Variants in SAMD12 observed in about 807,000 individuals in gnomAD.
The protein encoded by SAMD12 is sterile alpha motif domain containing 12.
SAMD12 carries 9 observed loss-of-function variants against 15.0 expected under a neutral mutation model. That is an observed-to-expected ratio of 0.60 (90% CI 0.36 to 1.05). The LOEUF (loss-of-function observed/expected upper bound fraction) is 1.05. Among genes scored for constraint, SAMD12 ranks in the 50% least tolerant of loss-of-function variants. SAMD12 has a pLI of 0.01. For missense variants in SAMD12, 230 were observed against 234.2 expected (o/e 0.98, Z 0.12); for synonymous variants, 86 against 90.1 (o/e 0.96, Z 0.25).
intron 2 of SAMD12, among the ~76,000 whole-genome samples, chr8:118,575,056 C>T (rs1441025711): frequency 2.0e-5 from 3 of 152,164 alleles, no homozygotes; most frequent in African/African-American, 7.2e-5. Context: ...ATGGTTCCTG[C>T]TTACTGTCAC....
chr8:118,536,066 G>A (rs1242843886), intron 2 of SAMD12, among the ~76,000 whole-genome samples: 1 of 152,192 alleles, frequency 6.6e-6, no homozygotes, highest in Non-Finnish European at 1.5e-5. Context: ...GACTGGAGCT[G>A]TTCCTATTCG....
intron 2 of SAMD12, among the ~76,000 whole-genome samples, chr8:118,530,414 T>C (rs1026688357): frequency 6.6e-6 from 1 of 152,242 alleles, no homozygotes; most frequent in Non-Finnish European, 1.5e-5. Context: ...TGTTTCCTTC[T>C]TTGTGTCCAT....
intron 4 of SAMD12, among the ~76,000 whole-genome samples, chr8:118,261,633 A>ATT (rs11432849): frequency 8.5e-4 from 122 of 143,736 alleles, no homozygotes; most frequent in African/African-American, 2.8e-3. Context: ...AAAACACATG[A>ATT]TTTTTTTTTT....
At chr8:118,350,937 C>T (rs1420660950) in intron 4 of SAMD12, among the ~76,000 whole-genome samples, 1 of 152,208 alleles carries the variant, frequency 6.6e-6, no homozygotes, top group Non-Finnish European at 1.5e-5. Context: ...TTCTCAGTGT[C>T]ATTCCTAGTT....
intron 2 of SAMD12, among the ~76,000 whole-genome samples, chr8:118,443,215 G>C (rs772070763): frequency 2.0e-5 from 3 of 152,180 alleles, no homozygotes; most frequent in Non-Finnish European, 4.4e-5. Flanking sequence ...TGTAATCTCA[G>C]CACTTTGGGA....
intron 4 of SAMD12, among the ~76,000 whole-genome samples, chr8:118,202,359 C>T (rs971166502): frequency 3.3e-5 from 5 of 152,138 alleles, no homozygotes; most frequent in South Asian, 4.1e-4. Flanking sequence ...TTGCAACTCC[C>T]AGGAGGCAGA....
chr8:118,594,719 T>G (rs1280757471), intron 1 of SAMD12, among the ~76,000 whole-genome samples: 4 of 152,168 alleles, frequency 2.6e-5, no homozygotes, highest in Non-Finnish European at 5.9e-5. Flanking sequence ...TCTGAATTTT[T>G]TTTTCACTAA....
chr8:118,600,901 A>G (rs1362701965), intron 1 of SAMD12, among the ~76,000 whole-genome samples: 1 of 152,228 alleles, frequency 6.6e-6, no homozygotes, highest in Non-Finnish European at 1.5e-5. Context: ...AAAAGAGGAT[A>G]GAGAATTTAT....
chr8:118,230,871 G>A (rs533424200), intron 4 of SAMD12, among the ~76,000 whole-genome samples: 2 of 152,104 alleles, frequency 1.3e-5, no homozygotes, highest in Non-Finnish European at 2.9e-5. Flanking sequence ...GTGGGCTTGT[G>A]GGTGACGACA....
At chr8:118,355,426 T>G (rs1818183524) in intron 4 of SAMD12, among the ~76,000 whole-genome samples, 1 of 152,134 alleles carries the variant, frequency 6.6e-6, no homozygotes, top group Non-Finnish European at 1.5e-5. Context: ...TGTACACTGC[T>G]CGGGTGATGG....
intron 2 of SAMD12, among the ~76,000 whole-genome samples, chr8:118,503,478 G>A (rs1200506598): frequency 1.3e-5 from 2 of 152,108 alleles, no homozygotes; most frequent in East Asian, 1.9e-4. Context: ...GCACTTCTAA[G>A]GTTCATCCCG....
chr8:118,174,383 C>T, the SAMD12 span, among the ~76,000 whole-genome samples: 1 of 152,116 alleles, frequency 6.6e-6, no homozygotes, highest in Non-Finnish European at 1.5e-5. Context: ...TGTTGGGAGA[C>T]AAGAGGTGTT....
intron 2 of SAMD12, among the ~76,000 whole-genome samples, chr8:118,521,564 G>A (rs1448556361): frequency 1.3e-5 from 2 of 152,168 alleles, no homozygotes; most frequent in African/African-American, 4.8e-5. Context: ...TGTCATTGTT[G>A]ATAGTGTTAT....
At chr8:118,231,453 G>T (rs1235563541) in intron 4 of SAMD12, among the ~76,000 whole-genome samples, 1 of 152,022 alleles carries the variant, frequency 6.6e-6, no homozygotes, top group Admixed American at 6.6e-5. Context: ...CTATATCCTG[G>T]GTATTGTGCC....
At chr8:118,323,188 T>C (rs1816375221) in intron 4 of SAMD12, among the ~76,000 whole-genome samples, 1 of 152,198 alleles carries the variant, frequency 6.6e-6, no homozygotes, top group African/African-American at 2.4e-5. Flanking sequence ...ATTAGGACTG[T>C]TAAATGAGAA....
intron 3 of SAMD12, among the ~76,000 whole-genome samples, chr8:118,423,054 C>T (rs1347988508): frequency 6.6e-6 from 1 of 152,126 alleles, no homozygotes; most frequent in Non-Finnish European, 1.5e-5. Context: ...GTAGTGTGCG[C>T]CTGTAGTCCC....
At chr8:118,277,381 T>A (rs1031997805) in intron 4 of SAMD12, among the ~76,000 whole-genome samples, 4 of 152,208 alleles carry the variant, frequency 2.6e-5, no homozygotes, top group Admixed American at 6.5e-5. Flanking sequence ...TTTATCATCA[T>A]AGTCATCGTA....
At chr8:118,507,019 G>C (rs1172695159) in intron 2 of SAMD12, among the ~76,000 whole-genome samples, 2 of 152,016 alleles carry the variant, frequency 1.3e-5, no homozygotes, top group African/African-American at 2.4e-5. Flanking sequence ...CCATGGCTTA[G>C]AGACCAAACT....
At chr8:118,318,715 TA>T (rs969990724) in intron 4 of SAMD12, among the ~76,000 whole-genome samples, 2 of 151,892 alleles carry the variant, frequency 1.3e-5, no homozygotes, top group East Asian at 3.9e-4. Flanking sequence ...GCTATTGAAA[TA>T]AAAAAAATAT....
Sources: allele counts gnomAD v4.1 joint callset (sites outside exome capture counted in the v4.1 genomes callset), GRCh38; gene constraint gnomAD v4.1.1; transcripts MANE v1.5; gene names NCBI Gene and HGNC (gene_info 2026-07-23, HGNC 2026-07-21).